Variants in LRRC43 observed in about 807,000 individuals in gnomAD.
LRRC43 encodes the protein leucine rich repeat containing 43, also known as leucine-rich repeat-containing protein 43.
In LRRC43, 62 loss-of-function variants were observed where a neutral mutation model predicts 64.3. The ratio of observed to expected loss-of-function variants is 0.96; its 90% CI spans 0.79 to 1.19. The LOEUF (loss-of-function observed/expected upper bound fraction) is 1.19, where lower values mean the gene tolerates loss of function less well. Ranked by LOEUF, LRRC43 falls within the 50% of genes most tolerant of loss-of-function variation. LRRC43 has a pLI of 0.00. For missense variants in LRRC43, 868 were observed against 845.0 expected, an observed-to-expected ratio of 1.03 and a Z score of -0.34; for synonymous variants, 422 against 382.3, an observed-to-expected ratio of 1.10 and a Z score of -1.21.
chr12:122,187,486 AGT>A (rs979196973), intron 3 of LRRC43: 2 of 514,112 alleles, frequency 3.9e-6, no homozygotes, highest in African/African-American at 3.8e-5. Context: ...CAGATGTTGA[AGT>A]GTCTTTCACA....
intron 1 of LRRC43, among the ~76,000 whole-genome samples, chr12:122,173,114 G>T (rs555149366): frequency 6.6e-6 from 1 of 152,198 alleles, no homozygotes; most frequent in South Asian, 2.1e-4. Context: ...AGAGTGTTAG[G>T]CTTGTCCGGA....
chr12:122,203,231 C>T, intron 11 of LRRC43, 84 bp from the exon 12 acceptor site: 2 of 1,503,368 alleles, frequency 1.3e-6, no homozygotes, highest in Non-Finnish European at 1.8e-6. Flanking sequence ...GGGTCCAGGG[C>T]TTGCATATGG....
intron 1 of LRRC43, chr12:122,172,095 C>T (rs1953490059): frequency 8.2e-6 from 2 of 242,552 alleles, no homozygotes; most frequent in African/African-American, 4.6e-5. Flanking sequence ...GCATTGACAA[C>T]TCTTAGTACA....
intron 1 of LRRC43, chr12:122,174,346 GC>G: frequency 1.3e-6 from 1 of 753,074 alleles, no homozygotes; most frequent in Non-Finnish European, 2.2e-6. Context: ...AGTTCTACTG[GC>G]CACGGCTGAG....
At chr12:122,198,325 G>A (rs138381416) in intron 7 of LRRC43, among the ~76,000 whole-genome samples, 5 of 152,178 alleles carry the variant, frequency 3.3e-5, no homozygotes, top group South Asian at 4.2e-4. Context: ...ATGTTAAAGC[G>A]TATGAGTCGG....
chr12:122,180,905 A>G (rs1158714512), upstream of LRRC43, among the ~76,000 whole-genome samples: 1 of 152,058 alleles, frequency 6.6e-6, no homozygotes, highest in Non-Finnish European at 1.5e-5. Context: ...ATCACTATGG[A>G]CTCATAGATA....
chr12:122,187,855 C>A lies in LRRC43; in HGVS notation c.662+15C>A, dbSNP rs774804682. 6.2e-7 allele frequency: 1 copy of A among 1,613,490 alleles called. No homozygotes were observed. Among genetic ancestry groups the A allele is most frequent in the Non-Finnish European group, 8.5e-7 (1 of 1,179,634 alleles). The stretch of plus-strand genomic sequence containing the variant: ...GCTAATCACTGGTAACTCGGGAGCC[C>A]AGATGGAAAGTGAGAGGGAGGGATT... On this transcript the variant is annotated intron_variant, in intron 4 of 11. Coordinates refer to ENST00000339777, the MANE Select transcript of LRRC43 (RefSeq NM_001098519.2).
chr12:122,177,984 C>T (rs1230757633), intron 1 of LRRC43, among the ~76,000 whole-genome samples: 5 of 151,030 alleles, frequency 3.3e-5, no homozygotes, highest in Admixed American at 6.6e-5. Flanking sequence ...ATTACAGGTA[C>T]GTGCCACCAT....
rs201841622 is a variant in LRRC43 at position 122,192,838 on chromosome 12, A to G, written c.1183A>G (p.Thr395Ala). The G allele has an allele frequency of 4.4e-5, 71 of 1,614,056 alleles. No homozygotes were observed. Among genetic ancestry groups the G allele is most frequent in the Non-Finnish European group, 1.6e-5 (19 of 1,180,032 alleles). ...DVIEDIVEEV[T>A]EEVEGSLESE... ...CATCGAAGACATTGTTGAAGAGGTT[A>G]CTGAAGAGGTCGAAGGGTCTCTGGA... The change falls in exon 7 of 12, where the codon ACT becomes GCT. Residue 395 changes from threonine (T) to alanine (A), a missense_variant. Physicochemically the swap from Thr to Ala is moderately conservative, Grantham distance 58 (BLOSUM62 0). Coordinates refer to ENST00000339777, the MANE Select transcript of LRRC43 (RefSeq NM_001098519.2).
rs1383796381 is a variant in LRRC43, at chr12:122,184,934, T to C, written c.411+155T>C. Among the ~76,000 whole-genome samples, 3 of 152,066 alleles carry C rather than the reference T, an allele frequency of 2.0e-5. No homozygotes were observed. Among genetic ancestry groups the C allele is most frequent in the Non-Finnish European group, 2.9e-5 (2 of 67,978 alleles). On this transcript the variant is annotated intron_variant, in intron 2 of 11. Coordinates refer to ENST00000339777, the MANE Select transcript of LRRC43 (RefSeq NM_001098519.2). The surrounding 1 kb of genome is among the most constrained non-coding windows in gnomAD (Gnocchi z 4.0). The stretch of plus-strand genomic sequence containing the variant: ...CTCCATCTGCTTCATCTCCCTGGCT[T>C]GTGTGCCAGGCAGGGCCGGCTACTC...
At chr12:122,192,634 C>T in intron 6 of LRRC43, 111 bp from the exon 7 acceptor site, 1 of 1,268,324 alleles carries the variant, frequency 7.9e-7, no homozygotes, top group South Asian at 1.3e-5. Context: ...TGTGTCTGCT[C>T]ATGCGTGAAC....
chr12:122,199,304 A>T, intron 7 of LRRC43, among the ~76,000 whole-genome samples: 1 of 91,602 alleles, frequency 1.1e-5, no homozygotes, highest in Admixed American at 1.4e-4. Context: ...TTTTTTTGAG[A>T]CGGAGTCTTG....
At chr12:122,198,639 T>TTTTG (rs1241934738) in intron 7 of LRRC43, among the ~76,000 whole-genome samples, 1 of 148,924 alleles carries the variant, frequency 6.7e-6, no homozygotes, top group Non-Finnish European at 1.5e-5. Context: ...TTTTTTTTTT[T>TTTTG]TTTTTTTGAG....
intron 3 of LRRC43, chr12:122,187,439 A>T: frequency 2.5e-6 from 1 of 406,664 alleles, no homozygotes; most frequent in South Asian, 3.5e-5. Context: ...GATGTTATGC[A>T]GCTCCCCCAC....
chr12:122,180,750 A>T (rs1044598272), upstream of LRRC43, among the ~76,000 whole-genome samples: 5 of 152,116 alleles, frequency 3.3e-5, no homozygotes, highest in African/African-American at 1.2e-4. Flanking sequence ...GTAGACGCCC[A>T]TTGGCATCTG....
upstream of LRRC43, among the ~76,000 whole-genome samples, chr12:122,181,468 G>C (rs1458626554): frequency 4.0e-5 from 6 of 151,020 alleles, no homozygotes; most frequent in African/African-American, 1.5e-4. Context: ...GCGTGAACCT[G>C]GCAGGCGGAG....
At chr12:122,190,077 G>A (rs752356299) in intron 4 of LRRC43, 53 bp from the exon 5 acceptor site, 20 of 1,465,708 alleles carry the variant, frequency 1.4e-5, no homozygotes, top group Middle Eastern at 1.7e-4. Flanking sequence ...CAGGCTGCTT[G>A]CCCCCTGCTC....
chr12:122,193,138 T>C (rs2136049792), intron 7 of LRRC43, 134 bp downstream of exon 7: 1 of 886,596 alleles, frequency 1.1e-6, no homozygotes, highest in East Asian at 2.7e-5. Context: ...CCCGGCACTT[T>C]GGGAGGCAGA....
Position 122,187,694 on chromosome 12 carries a change from CT to C in LRRC43, c.523-6del. On this transcript the variant is annotated splice_polypyrimidine_tract_variant and splice_region_variant and intron_variant, in intron 3 of 11. Coordinates refer to ENST00000339777, the MANE Select transcript of LRRC43 (RefSeq NM_001098519.2). ...CATCGTCCCGGGCCTTCCGTGTGGTCTCCCAGGTGCTGGAGCTCTACGGCAA... is the reference window on the plus strand; with the variant it reads ...CATCGTCCCGGGCCTTCCGTGTGGTCCCCAGGTGCTGGAGCTCTACGGCAA... 1 of 1,612,962 alleles carries C rather than the reference CT, an allele frequency of 6.2e-7. No individual in the cohort carries two copies. The highest frequency in any genetic ancestry group is 8.5e-7 in the Non-Finnish European group (1 of 1,179,964).
Sources: allele counts gnomAD v4.1 joint callset (sites outside exome capture counted in the v4.1 genomes callset), GRCh38; gene constraint gnomAD v4.1.1; non-coding constraint Gnocchi (gnomAD v3.1); transcripts MANE v1.5; gene names NCBI Gene and HGNC (gene_info 2026-07-23, HGNC 2026-07-21).